The following SNTG1 variants were observed in gnomAD, a reference collection of about 807,000 sequenced individuals.
The protein encoded by SNTG1 is syntrophin gamma 1.
In SNTG1, 39 loss-of-function variants were observed where a neutral mutation model predicts 74.7. That is an observed-to-expected ratio of 0.52 (90% CI 0.40 to 0.68). SNTG1 has a LOEUF of 0.68. Ranked by LOEUF, SNTG1 falls within the 30% of genes least tolerant of loss-of-function variation. The pLI is 0.00. For missense variants in SNTG1, 685 were observed against 609.5 expected (o/e 1.12, Z -1.30); for synonymous variants, 254 against 217.1 (o/e 1.17, Z -1.49).
In SNTG1 at chr8:50,016,149, C is replaced by T. The variant is rs902683362; in HGVS notation, c.-103+103918C>T. ...CAAACAGTGACCATGATCTTCTTTT[C>T]GTGCAAGTTTGGCCTTGGGGAGTGC... On this transcript the variant is annotated intron_variant, in intron 1 of 18. Coordinates refer to ENST00000642720, the MANE Select transcript of SNTG1 (RefSeq NM_018967.5). 3.9e-5 allele frequency among the ~76,000 whole-genome samples: 6 copies of T among 152,006 alleles called. No individual in the cohort carries two copies. The East Asian group carries it at 5.8e-4, about 15-fold the overall frequency.
rs1315923143 is a variant in SNTG1, at chr8:50,125,766, T to A, written c.-102-46795T>A. ...GTGCTTAGTATATGGTGTGTTACGT[T>A]GCTGTATTAAGATGTGCTGGGTGGC... On this transcript the variant is annotated intron_variant, in intron 1 of 18. Transcript: ENST00000642720. Among the ~76,000 whole-genome samples, 2 of 96,724 alleles carry A rather than the reference T, an allele frequency of 2.1e-5. 1 individual carries two copies. The highest frequency in any genetic ancestry group is 2.2e-4 in the Admixed American group (2 of 9,138). 63.5% of individuals were successfully genotyped at this position (96,724 alleles called of 152,430 possible). A position where few individuals can be genotyped will look rare whatever the true frequency, so the allele number is the denominator to read the frequency against.
intron 18 of SNTG1, among the ~76,000 whole-genome samples, chr8:50,753,524 C>T (rs1240597569): frequency 6.6e-6 from 1 of 151,846 alleles, no homozygotes; most frequent in African/African-American, 2.4e-5. Context: ...CTAACAAACC[C>T]TTTGCAAAGG....
chr8:50,614,557 T>G (rs1381082070), intron 13 of SNTG1, among the ~76,000 whole-genome samples: 1 of 152,144 alleles, frequency 6.6e-6, no homozygotes, highest in Non-Finnish European at 1.5e-5. Flanking sequence ...TGATAACATT[T>G]GTAGTTATTT....
Position 50,237,075 on chromosome 8 carries a change from C to G in SNTG1, c.-28+64440C>G, listed in dbSNP as rs181706852. 4.7e-4 allele frequency among the ~76,000 whole-genome samples: 72 copies of G among 152,234 alleles called. No homozygotes were observed. In the East Asian group the frequency reaches 0.011, roughly 24 times the overall value. On this transcript the variant is annotated intron_variant, in intron 2 of 18. Coordinates refer to ENST00000642720, the MANE Select transcript of SNTG1 (RefSeq NM_018967.5). ...GTAATAATTTATTAAAATCAGAAAT[C>G]TAGTAAAGATTATAAATTAAGAATC... is the stretch of plus-strand genomic sequence containing the variant.
At chr8:50,285,688 A>G (rs1228719171) in intron 2 of SNTG1, among the ~76,000 whole-genome samples, 1 of 152,078 alleles carries the variant, frequency 6.6e-6, no homozygotes, top group Non-Finnish European at 1.5e-5. Context: ...CATCAATAAA[A>G]ATGGCGACTT....
At chr8:50,713,670 T>C (rs531964897) in intron 17 of SNTG1, among the ~76,000 whole-genome samples, 2 of 152,312 alleles carry the variant, frequency 1.3e-5, no homozygotes, top group South Asian at 4.1e-4. Context: ...AAGTCTTTAA[T>C]CCATCTTGAG....
intron 2 of SNTG1, among the ~76,000 whole-genome samples, chr8:50,243,483 G>T (rs2129716069): frequency 6.6e-6 from 1 of 152,046 alleles, no homozygotes; most frequent in East Asian, 1.9e-4. Context: ...AAACTCTCCG[G>T]ATTTGAAGGG....
At chr8:50,053,986 C>G (rs1465947754) in intron 1 of SNTG1, among the ~76,000 whole-genome samples, 1 of 152,032 alleles carries the variant, frequency 6.6e-6, no homozygotes, top group Non-Finnish European at 1.5e-5. Context: ...GCATCTCAAG[C>G]AATCCAGAAA....
chr8:50,116,957 C>G (rs1248649399), intron 1 of SNTG1, among the ~76,000 whole-genome samples: 2 of 152,086 alleles, frequency 1.3e-5, no homozygotes, highest in African/African-American at 4.8e-5. Flanking sequence ...ATTTAACTTA[C>G]AGAATACCAA....
intron 2 of SNTG1, among the ~76,000 whole-genome samples, chr8:50,348,545 G>T (rs1360855652): frequency 6.6e-6 from 1 of 152,194 alleles, no homozygotes; most frequent in Non-Finnish European, 1.5e-5. Flanking sequence ...ACCGCAAGGA[G>T]TAAGGTCTGA....
chr8:50,604,436 A>G (rs1180181534), intron 13 of SNTG1, among the ~76,000 whole-genome samples: 3 of 152,098 alleles, frequency 2.0e-5, no homozygotes, highest in African/African-American at 7.2e-5. Flanking sequence ...GAAAAAAAAA[A>G]AGAAAACCTT....
In SNTG1 at chr8:50,402,383, G is replaced by A. The variant is rs767774697; in HGVS notation, c.162+39G>A. ...TCTTCTGTTGAAATTTTTTGTGTTT[G>A]TTTTTTGTTAATAAAAATGTTTATT... On this transcript the variant is annotated intron_variant, in intron 4 of 18. Transcript: ENST00000642720. 2.6e-6 allele frequency: 4 copies of A among 1,554,348 alleles called. No individual in the cohort carries two copies. The African/African-American group carries it at 5.6e-5, about 22-fold the overall frequency.
rs1010096995 is a variant in SNTG1 at position 50,152,068 on chromosome 8, G to A, written c.-102-20493G>A. On this transcript the variant is annotated intron_variant, in intron 1 of 18. Transcript: ENST00000642720. ...CTAAGTCTCTTTGTAGGTCTCTAAGGACTTGCTTTATGAAACTGGGTGCTC... is the reference window on the plus strand; with the variant it reads ...CTAAGTCTCTTTGTAGGTCTCTAAGAACTTGCTTTATGAAACTGGGTGCTC... 1.7e-4 allele frequency among the ~76,000 whole-genome samples: 26 copies of A among 152,042 alleles called. 1 individual carries two copies. Among genetic ancestry groups the A allele is most frequent in the South Asian group, 2.1e-4 (1 of 4,828 alleles).
rs149644954 is a variant in SNTG1 at position 50,260,809 on chromosome 8, A to T, written c.-28+88174A>T. On this transcript the variant is annotated intron_variant, in intron 2 of 18. Transcript: ENST00000642720. Reference sequence around the variant, plus strand: ...TTAAAAGTATTGCAAAAGAATGAAGAATACTTTTGATGGGCTTATTAGGAG... The same window carrying T: ...TTAAAAGTATTGCAAAAGAATGAAGTATACTTTTGATGGGCTTATTAGGAG... Among the ~76,000 whole-genome samples the T allele has an allele frequency of 2.9e-3, 444 of 152,122 alleles. 3 individuals are homozygous for T. Among genetic ancestry groups the T allele is most frequent in the African/African-American group, 0.01 (421 of 41,550 alleles).
rs139253429 is a variant in SNTG1 at position 49,926,264 on chromosome 8, C to T, written c.-103+14033C>T. 9.0e-4 allele frequency among the ~76,000 whole-genome samples: 136 copies of T among 151,720 alleles called. 1 individual carries two copies. Among genetic ancestry groups the T allele is most frequent in the African/African-American group, 1.9e-3 (79 of 41,378 alleles). ...TTATAATTACCCATATGTTCTATTACGAAAAAATAAATAGGTTTGTGAAAG... is the reference window on the plus strand; with the variant it reads ...TTATAATTACCCATATGTTCTATTATGAAAAAATAAATAGGTTTGTGAAAG... On this transcript the variant is annotated intron_variant, in intron 1 of 18. Transcript: ENST00000642720.
In SNTG1 at chr8:50,738,633, G is replaced by C. The variant is rs1220933473; in HGVS notation, c.1285-13368G>C. Among the ~76,000 whole-genome samples, 3 of 152,148 alleles carry C rather than the reference G, an allele frequency of 2.0e-5. No individual in the cohort carries two copies. In the East Asian group the frequency reaches 5.8e-4, roughly 29 times the overall value. ...CTAAACAAAAAGAACAAAGCTGGAG[G>C]CATCATGATACCTGACTTCAAACTA... On this transcript the variant is annotated intron_variant, in intron 17 of 18. Coordinates refer to ENST00000642720, the MANE Select transcript of SNTG1 (RefSeq NM_018967.5).
At chr8:50,518,557 C>T (rs1326982057) in intron 9 of SNTG1, among the ~76,000 whole-genome samples, 2 of 152,080 alleles carry the variant, frequency 1.3e-5, no homozygotes, top group South Asian at 2.1e-4. Flanking sequence ...AGACCACTAT[C>T]CAGACCAAGA....
chr8:50,508,626 A>G (rs1273426293), intron 9 of SNTG1, among the ~76,000 whole-genome samples: 1 of 152,162 alleles, frequency 6.6e-6, no homozygotes, highest in Non-Finnish European at 1.5e-5. Flanking sequence ...CTGGTGTGAG[A>G]TGGTATCTCA....
rs201604775 is a variant in SNTG1, at chr8:49,967,554, A to G, written c.-103+55323A>G. Among the ~76,000 whole-genome samples the G allele has an allele frequency of 2.6e-5, 4 of 151,084 alleles. No individual in the cohort carries two copies. In the East Asian group the frequency reaches 7.9e-4, roughly 30 times the overall value. On this transcript the variant is annotated intron_variant, in intron 1 of 18. Coordinates refer to ENST00000642720, the MANE Select transcript of SNTG1 (RefSeq NM_018967.5). Reference sequence around the variant, plus strand: ...TCAATTTTTATTAATTTATTATAATATATAAACTTTGTTTTAATTCGAATT... The same window carrying G: ...TCAATTTTTATTAATTTATTATAATGTATAAACTTTGTTTTAATTCGAATT...
Sources: allele counts gnomAD v4.1 joint callset (sites outside exome capture counted in the v4.1 genomes callset), GRCh38; gene constraint gnomAD v4.1.1; transcripts MANE v1.5; gene names NCBI Gene and HGNC (gene_info 2026-07-23, HGNC 2026-07-21).